Variants in SUGCT observed in about 807,000 individuals in gnomAD.
The protein encoded by SUGCT is succinyl-CoA:glutarate-CoA transferase.
Under a neutral mutation model 55.0 loss-of-function variants are expected in SUGCT, and 41 were observed. That is an observed-to-expected ratio of 0.74 (90% CI 0.58 to 0.97). The LOEUF is 0.97. Among genes scored for constraint, SUGCT ranks in the 50% least tolerant of loss-of-function variants. The pLI, the probability that SUGCT is intolerant of heterozygous loss-of-function variation, is 0.00. For missense variants in SUGCT, 568 were observed against 547.8 expected, an observed-to-expected ratio of 1.04 and a Z score of -0.37; for synonymous variants, 187 against 200.4, an observed-to-expected ratio of 0.93 and a Z score of 0.56.
At chr7:40,926,954 G>C in the SUGCT span, among the ~76,000 whole-genome samples, 1 of 152,198 alleles carries the variant, frequency 6.6e-6, no homozygotes, top group African/African-American at 2.4e-5. Flanking sequence ...AGAGCTGCCA[G>C]GGCTCTTGTA....
chr7:40,341,702 A>G (rs1200562624), intron 9 of SUGCT, among the ~76,000 whole-genome samples: 1 of 152,206 alleles, frequency 6.6e-6, no homozygotes, highest in Non-Finnish European at 1.5e-5. Context: ...AAAAGAAACT[A>G]CACTAAACTT....
the SUGCT span, among the ~76,000 whole-genome samples, chr7:41,018,778 T>C: frequency 6.6e-6 from 1 of 152,370 alleles, no homozygotes; most frequent in East Asian, 1.9e-4. Context: ...TTCTGCAATA[T>C]TATTTTTCAA....
chr7:40,565,993 GCACACACACACACACACA>G lies in SUGCT; in HGVS notation c.1089+69621_1089+69638del, dbSNP rs376444246. Among the ~76,000 whole-genome samples the G allele has an allele frequency of 7.5e-3, 924 of 123,990 alleles. 14 individuals are homozygous for G. Among genetic ancestry groups the G allele is most frequent in the East Asian group, 0.034 (155 of 4,610 alleles). 81.3% of individuals were successfully genotyped at this position (123,990 alleles called of 152,430 possible). A position where few individuals can be genotyped will look rare whatever the true frequency, so the allele number is the denominator to read the frequency against. On this transcript the variant is annotated intron_variant, in intron 12 of 13. Transcript: ENST00000335693. ...CACACACACACACACACACACACACGCACACACACACACACACACACACACACACACGAATATAAGCTT... is the reference window on the plus strand; with the variant it reads ...CACACACACACACACACACACACACGCACACACACACACGAATATAAGCTT...
At chr7:40,837,276 GC>G (rs1451774129) in intron 13 of SUGCT, among the ~76,000 whole-genome samples, 1 of 151,648 alleles carries the variant, frequency 6.6e-6, no homozygotes, top group African/African-American at 2.4e-5. Context: ...TTTCTAACTG[GC>G]TTTTAAAAAT....
chr7:40,392,418 A>G (rs1583583908), intron 9 of SUGCT, among the ~76,000 whole-genome samples: 1 of 152,156 alleles, frequency 6.6e-6, no homozygotes, highest in Non-Finnish European at 1.5e-5. Context: ...CTTAAAGTAT[A>G]TGGGTTAGCT....
downstream of SUGCT, among the ~76,000 whole-genome samples, chr7:40,864,522 A>G (rs891313053): frequency 3.3e-5 from 5 of 152,120 alleles, no homozygotes; most frequent in African/African-American, 1.2e-4. Flanking sequence ...GGGGAGCAGA[A>G]GCAACTCCAC....
intron 9 of SUGCT, among the ~76,000 whole-genome samples, chr7:40,412,844 G>A (rs912879027): frequency 6.6e-5 from 10 of 152,202 alleles, no homozygotes; most frequent in African/African-American, 2.4e-4. Context: ...GGAGGGTCCA[G>A]AGAGTTTTCT....
intron 9 of SUGCT, among the ~76,000 whole-genome samples, chr7:40,368,508 A>G (rs1784126848): frequency 6.6e-6 from 1 of 152,010 alleles, no homozygotes; most frequent in South Asian, 2.1e-4. Context: ...ATTGTTCATT[A>G]TTAATATCTG....
chr7:40,625,367 G>A (rs1799478207), intron 12 of SUGCT, among the ~76,000 whole-genome samples: 2 of 151,978 alleles, frequency 1.3e-5, no homozygotes, highest in Non-Finnish European at 2.9e-5. Context: ...TTTAAATAGG[G>A]TATCAGGATC....
intron 12 of SUGCT, among the ~76,000 whole-genome samples, chr7:40,556,521 T>A (rs1354284707): frequency 6.6e-6 from 1 of 152,212 alleles, no homozygotes; most frequent in Non-Finnish European, 1.5e-5. Context: ...ATGGCTTGCT[T>A]CAGGAGAACT....
chr7:40,521,000 AATACCTGTAATTCTC>A lies in SUGCT; in HGVS notation c.1089+24619_1089+24633del, dbSNP rs539862718. Among the ~76,000 whole-genome samples the A allele has an allele frequency of 2.1e-3, 317 of 152,314 alleles. 2 individuals carry two copies. The highest frequency in any genetic ancestry group is 7.2e-3 in the African/African-American group (300 of 41,570). On this transcript the variant is annotated intron_variant, in intron 12 of 13. Transcript: ENST00000335693. ...TTGCAAATGTGGTTAAAGGATTTAAAATACCTGTAATTCTCATACACTGGGGAATACAGGTGAAAA... is the reference window on the plus strand; with the variant it reads ...TTGCAAATGTGGTTAAAGGATTTAAAATACACTGGGGAATACAGGTGAAAA...
intron 5 of SUGCT, among the ~76,000 whole-genome samples, chr7:40,192,224 C>T (rs1474160821): frequency 2.0e-5 from 3 of 150,580 alleles, no homozygotes; most frequent in Non-Finnish European, 4.4e-5. Flanking sequence ...CAAAGTATTA[C>T]ACAAGGCAAT....
intron 12 of SUGCT, among the ~76,000 whole-genome samples, chr7:40,497,985 A>G (rs939984801): frequency 1.3e-5 from 2 of 152,152 alleles, no homozygotes; most frequent in South Asian, 4.1e-4. Flanking sequence ...CAAAGTGAAT[A>G]TAGGATAATT....
the SUGCT span, among the ~76,000 whole-genome samples, chr7:40,940,083 C>A: frequency 1.3e-5 from 2 of 152,030 alleles, no homozygotes; most frequent in African/African-American, 4.8e-5. Flanking sequence ...CAGTTTCATT[C>A]TTCTACATGT....
chr7:40,943,269 T>A, the SUGCT span, among the ~76,000 whole-genome samples: 4 of 148,898 alleles, frequency 2.7e-5, no homozygotes, highest in Non-Finnish European at 5.9e-5. Flanking sequence ...TGACTTTATT[T>A]TATTATTATT....
chr7:40,617,139 A>G (rs184007827), intron 12 of SUGCT, among the ~76,000 whole-genome samples: 150 of 152,208 alleles, frequency 9.9e-4, no homozygotes, highest in East Asian at 6.0e-3. Flanking sequence ...ATTTCCCACT[A>G]TTTTGAAGAA....
chr7:40,682,008 A>G (rs938731905), intron 12 of SUGCT, among the ~76,000 whole-genome samples: 2 of 152,136 alleles, frequency 1.3e-5, no homozygotes, highest in Non-Finnish European at 2.9e-5. Context: ...TCTATAGAGA[A>G]CCAAACATTG....
At chr7:40,877,943 C>T in the SUGCT span, among the ~76,000 whole-genome samples, 1 of 152,214 alleles carries the variant, frequency 6.6e-6, no homozygotes, top group Non-Finnish European at 1.5e-5. Flanking sequence ...AGATAAATGG[C>T]TATTCTACTC....
chr7:40,431,168 T>C (rs1787879052), intron 9 of SUGCT, among the ~76,000 whole-genome samples: 1 of 151,708 alleles, frequency 6.6e-6, no homozygotes, highest in Non-Finnish European at 1.5e-5. Context: ...CTGAATTTCC[T>C]GGCACCATTT....
Sources: gnomAD v4.1 joint callset for allele counts (sites outside exome capture counted in the v4.1 genomes callset) on GRCh38, gnomAD v4.1.1 for gene constraint, MANE v1.5 for transcripts, NCBI Gene and HGNC (gene_info 2026-07-23, HGNC 2026-07-21) for gene names.